The following PMPCB variants were observed in gnomAD, a reference collection of about 807,000 sequenced individuals.
The protein encoded by PMPCB is peptidase, mitochondrial processing subunit beta.
A neutral mutation model predicts 61.5 loss-of-function variants in PMPCB; 46 were observed. The observed-to-expected ratio is 0.75, with a 90% CI of 0.59 to 0.96. PMPCB has a LOEUF of 0.96. Among genes scored for constraint, PMPCB ranks in the 40% least tolerant of loss-of-function variants. PMPCB has a pLI of 0.00. For synonymous variants in PMPCB, 191 were observed against 201.6 expected, an observed-to-expected ratio of 0.95 and a Z score of 0.44; for missense variants, 590 against 602.4, an observed-to-expected ratio of 0.98 and a Z score of 0.22.
intron 4 of PMPCB, 85 bp downstream of exon 4, chr7:103,300,392 A>T: frequency 9.1e-7 from 1 of 1,102,116 alleles, no homozygotes. Flanking sequence ...TGTCTGTTGT[A>T]AAAGAGTAAG....
In PMPCB at chr7:103,312,988, C is replaced by G; in HGVS notation, c.*717C>G. 6.2e-7 allele frequency: 1 copy of G among 1,614,044 alleles called. No homozygotes were observed. The highest frequency in any genetic ancestry group is 8.5e-7 in the Non-Finnish European group (1 of 1,179,950). ...CAGTCCTTCTTTGTCCTGCCAGGCA[C>G]CGCTTCTGCTATTTTTTCCCATCTT... is the stretch of plus-strand genomic sequence containing the variant. On this transcript the variant is annotated 3_prime_UTR_variant, in exon 13 of 13. Transcript: ENST00000249269.
At chr7:103,306,463 A>G (rs1253401013) in intron 6 of PMPCB, among the ~76,000 whole-genome samples, 1 of 151,670 alleles carries the variant, frequency 6.6e-6, no homozygotes, top group Non-Finnish European at 1.5e-5. Context: ...GCTCACCGCA[A>G]ACTCCGCCTT....
rs1817528540 is a variant in PMPCB at position 103,304,490 on chromosome 7, G to A, written c.736G>A (p.Gly246Ser). 1.3e-6 allele frequency: 2 copies of A among 1,592,858 alleles called. No individual in the cohort carries two copies. Among genetic ancestry groups the A allele is most frequent in the Non-Finnish European group, 1.7e-6 (2 of 1,160,770 alleles). The change falls in exon 6 of 13, where the codon GGT (glycine) becomes AGT (serine). Residue 246 changes from glycine (G) to serine (S), a missense_variant and splice_region_variant. Coordinates refer to ENST00000249269, the MANE Select transcript of PMPCB (RefSeq NM_004279.3). ...AAGAATAGTGCTTGCTGCTGCTGGA[G>A]GTTAGTCAATTTAAATTTCTACAAA... is the stretch of plus-strand genomic sequence containing the variant. Reference protein sequence around the residue: ...GPRIVLAAAGGVSHDELLDLA... With the variant: ...GPRIVLAAAGSVSHDELLDLA...
chr7:103,321,944 T>C lies in PMPCB; in HGVS notation c.*1432-6987T>C, dbSNP rs747142313. The C allele has an allele frequency of 3.7e-6, 6 of 1,613,508 alleles. No individual in the cohort carries two copies. In the South Asian group the frequency reaches 6.6e-5, roughly 18 times the overall value. ...CAGTCTGATATACCTTGCATGAGTT[T>C]CGAAGTTTTTGCCTTTCCTTCTTAA... is the stretch of plus-strand genomic sequence containing the variant. On this transcript the variant is annotated intron_variant and NMD_transcript_variant, in intron 12 of 12. Transcript: ENST00000444457.
Position 103,300,179 on chromosome 7 carries a change from G to T in PMPCB, c.329G>T (p.Gly110Val), listed in dbSNP as rs771526143. Reference sequence around the variant, plus strand: ...TTGTTTTTCCTCTTTTATTTCAAGGGCACCAAGAAGAGATCCCAGTTAGAT... The same window carrying T: ...TTGTTTTTCCTCTTTTATTTCAAGGTCACCAAGAAGAGATCCCAGTTAGAT... ...AHFLEHMAFK[G>V]TKKRSQLDLE... is the part of the protein sequence containing the mutation. Residue 110 changes from glycine (G) to valine (V), a missense_variant and splice_region_variant, in exon 4 of 13, where the codon GGC becomes GTC. Gly to Val is a moderately radical substitution (Grantham distance 109). Transcript: ENST00000249269. 2.5e-6 allele frequency: 4 copies of T among 1,607,552 alleles called. No homozygotes were observed. Among genetic ancestry groups the T allele is most frequent in the Non-Finnish European group, 3.4e-6 (4 of 1,177,836 alleles).
chr7:103,324,686 C>A, intron 12 of PMPCB: 1 of 949,982 alleles, frequency 1.1e-6, no homozygotes, highest in South Asian at 2.4e-5. Flanking sequence ...TCCCTACAAA[C>A]TCTACAACTC....
downstream of PMPCB, among the ~76,000 whole-genome samples, chr7:103,333,101 T>A (rs1819038829): frequency 6.6e-6 from 1 of 151,122 alleles, no homozygotes; most frequent in African/African-American, 2.5e-5. Context: ...TGAAGTGTCA[T>A]GCTGGCACTC....
intron 6 of PMPCB, among the ~76,000 whole-genome samples, 173 bp downstream of exon 6, chr7:103,304,663 T>A (rs989661225): frequency 1.3e-5 from 2 of 152,100 alleles, no homozygotes; most frequent in African/African-American, 4.8e-5. Context: ...CTATTTTTTT[T>A]AAAGTAGGTT....
chr7:103,311,349 C>CA (rs1327148958), intron 9 of PMPCB: 2 of 390,942 alleles, frequency 5.1e-6, no homozygotes, highest in East Asian at 9.4e-5. Flanking sequence ...CATAGCATAT[C>CA]AGACTCCAAC....
Position 103,300,251 on chromosome 7 carries a change from C to T in PMPCB, c.401C>T (p.Thr134Ile), listed in dbSNP as rs1161403152. The change falls in exon 4 of 13, where the codon ACC becomes ATC. Residue 134 changes from threonine to isoleucine, a missense_variant. Physicochemically the swap from Thr to Ile is moderately conservative, Grantham distance 89 (BLOSUM62 -1). Transcript: ENST00000249269. ...ENMGAHLNAY[T>I]SREQTVYYAK... ...ATGGGTGCTCATCTCAATGCCTATA[C>T]CTCCAGAGAGCAGACTGTATACTAT... is the stretch of plus-strand genomic sequence containing the variant. 5 of 1,611,678 alleles carry T rather than the reference C, an allele frequency of 3.1e-6. No individual in the cohort carries two copies. The South Asian group carries it at 3.3e-5, about 11-fold the overall frequency.
the PMPCB span, among the ~76,000 whole-genome samples, chr7:103,338,174 G>A: frequency 6.6e-6 from 1 of 151,740 alleles, no homozygotes; most frequent in Non-Finnish European, 1.5e-5. Context: ...GGAGGCAGAA[G>A]TAGCAGGATT....
At chr7:103,314,963 A>G (rs929184093), downstream of PMPCB, among the ~76,000 whole-genome samples, 2 of 152,174 alleles carry the variant, frequency 1.3e-5, no homozygotes, top group Non-Finnish European at 2.9e-5. Flanking sequence ...TTGTCATAGC[A>G]AGAAAAAAAT....
chr7:103,305,216 G>A (rs961265697), intron 6 of PMPCB, among the ~76,000 whole-genome samples: 1 of 151,988 alleles, frequency 6.6e-6, no homozygotes, highest in Non-Finnish European at 1.5e-5. Flanking sequence ...TCTAATTTTT[G>A]GGAAGGAGAA....
rs141254128 is a variant in PMPCB at position 103,307,661 on chromosome 7, A to C, written c.802A>C (p.Lys268Gln). The change falls in exon 7 of 13, where the codon AAA (lysine) becomes CAA (glutamine). Residue 268 changes from lysine (K) to glutamine (Q), a missense_variant. Lys to Gln is a moderately conservative substitution (Grantham distance 53). Coordinates refer to ENST00000249269, the MANE Select transcript of PMPCB (RefSeq NM_004279.3). ...TTTCGGTGACTCTTTATGCACACAC[A>C]AAGGAGAAATACCAGCTCTGCCTCC... ...FHFGDSLCTH[K>Q]GEIPALPPCK... 6.2e-7 allele frequency: 1 copy of C among 1,613,592 alleles called. No homozygotes were observed. Among genetic ancestry groups the C allele is most frequent in the African/African-American group, 1.3e-5 (1 of 74,944 alleles).
the PMPCB span, among the ~76,000 whole-genome samples, chr7:103,343,995 AAAAC>A: frequency 2.0e-5 from 3 of 152,274 alleles, no homozygotes; most frequent in Admixed American, 1.3e-4. Flanking sequence ...CCATAAAACT[AAAAC>A]CTACAGCAGC....
At chr7:103,304,611 G>A (rs1817531301) in intron 6 of PMPCB, 121 bp downstream of exon 6, 6 of 716,224 alleles carry the variant, frequency 8.4e-6, no homozygotes, top group African/African-American at 1.8e-5. Context: ...ATAACTGATA[G>A]TGTGTAAGGG....
Position 103,312,658 on chromosome 7 carries a change from A to G in PMPCB, c.*387A>G. The G allele has an allele frequency of 6.2e-6, 10 of 1,609,350 alleles. No homozygotes were observed. The highest frequency in any genetic ancestry group is 4.5e-5 in the South Asian group (4 of 89,742). ...TCGACAAGTTCCTAGGAAGGGAGAA[A>G]GGTGTGATTTAAGAAGTTGCGATTT... On this transcript the variant is annotated 3_prime_UTR_variant, in exon 13 of 13. Transcript: ENST00000249269.
downstream of PMPCB, among the ~76,000 whole-genome samples, chr7:103,315,482 A>G (rs1817999144): frequency 6.6e-6 from 1 of 152,146 alleles, no homozygotes; most frequent in South Asian, 2.1e-4. Flanking sequence ...ATATAACACT[A>G]TTCTTTAGTC....
chr7:103,332,275 G>A (rs1819008673), downstream of PMPCB, among the ~76,000 whole-genome samples: 1 of 152,142 alleles, frequency 6.6e-6, no homozygotes, highest in South Asian at 2.1e-4. Flanking sequence ...AAAGTGCTCG[G>A]ATTATAGGCG....
Sources: gnomAD v4.1 joint callset for allele counts (sites outside exome capture counted in the v4.1 genomes callset) on GRCh38, gnomAD v4.1.1 for gene constraint, MANE v1.5 for transcripts, NCBI Gene and HGNC (gene_info 2026-07-23, HGNC 2026-07-21) for gene names.